GUCY1A2: variants seen among roughly 807,000 people sequenced by gnomAD.
The protein encoded by GUCY1A2 is guanylate cyclase soluble subunit alpha-2.
GUCY1A2 carries 27 observed loss-of-function variants against 63.5 expected under a neutral mutation model. The ratio of observed to expected loss-of-function variants is 0.43; its 90% confidence interval spans 0.31 to 0.59. The LOEUF is 0.59. GUCY1A2 is among the 20% of genes least tolerant of loss of function. GUCY1A2 has a pLI of 0.11. For missense variants in GUCY1A2, 768 were observed against 913.3 expected (o/e 0.84, Z 2.05); for synonymous variants, 364 against 343.5 (o/e 1.06, Z -0.66).
At chr11:106,858,045 C>G (rs566418667) in intron 4 of GUCY1A2, among the ~76,000 whole-genome samples, 9 of 152,252 alleles carry the variant, frequency 5.9e-5, no homozygotes, top group African/African-American at 1.9e-4. Context: ...GCAATGACAA[C>G]CAACCTGAAA....
intron 6 of GUCY1A2, among the ~76,000 whole-genome samples, chr11:106,768,166 C>T (rs897217769): frequency 6.6e-6 from 1 of 152,048 alleles, no homozygotes; most frequent in African/African-American, 2.4e-5. Context: ...CTCTCTCTTT[C>T]TAGATAAGGT....
intron 4 of GUCY1A2, among the ~76,000 whole-genome samples, chr11:106,841,595 G>T (rs926280916): frequency 3.3e-5 from 5 of 151,842 alleles, no homozygotes; most frequent in African/African-American, 9.7e-5. Flanking sequence ...TTCTCTGAGG[G>T]AGGGACCATG....
At chr11:106,961,587 G>C (rs370560643) in intron 3 of GUCY1A2, among the ~76,000 whole-genome samples, 2 of 152,240 alleles carry the variant, frequency 1.3e-5, no homozygotes, top group East Asian at 3.9e-4. Flanking sequence ...AAAGCTATAA[G>C]ATCTTGAATT....
Position 107,018,027 on chromosome 11 carries a change from G to T in GUCY1A2, c.29C>A (p.Ser10Tyr). Residue 10 changes from serine (S) to tyrosine (Y), a missense_variant, in exon 1 of 8, where the codon TCC becomes TAC. By Grantham distance (144) the Ser-to-Tyr change is moderately radical. Around this residue, in one of 3 missense-constraint regions of GUCY1A2, gnomAD observed 496 missense variants for 486.9 expected, o/e 1.02. Transcript: ENST00000526355. ...GTAGTCGGAGCCCAGGGAGCTGAAG[G>T]ACTCGGACGAAATCTTCCTTCGAGA... is the stretch of plus-strand genomic sequence containing the variant. MSRRKISSE[S>Y]FSSLGSDYLE... The T allele has an allele frequency of 6.8e-7, 1 of 1,475,294 alleles. No homozygotes were observed. The highest frequency in any genetic ancestry group is 9.1e-7 in the Non-Finnish European group (1 of 1,102,374). The allele number at this position is 1,475,294 out of a possible 1,614,324, so 91.4% of individuals were successfully genotyped here.
In GUCY1A2 at chr11:106,678,594, G is replaced by A; in HGVS notation, c.*8955C>T. The A allele has an allele frequency of 4.7e-6, 1 of 211,282 alleles. No individual in the cohort carries two copies. Among genetic ancestry groups the A allele is most frequent in the Non-Finnish European group, 9.6e-6 (1 of 104,150 alleles). The allele number at this position is 211,282 out of a possible 1,614,324, so 13.1% of individuals were successfully genotyped here. The stretch of plus-strand genomic sequence containing the variant: ...AGGAATTGAGGTTTCATTGGGTATG[G>A]AAATGCATAGTTTCTTACTAGTCAG... On this transcript the variant is annotated 3_prime_UTR_variant, in exon 8 of 8. Transcript: ENST00000526355.
intron 4 of GUCY1A2, among the ~76,000 whole-genome samples, chr11:106,861,528 T>C (rs1859512214): frequency 6.6e-6 from 1 of 151,968 alleles, no homozygotes; most frequent in South Asian, 2.1e-4. Context: ...AGCACCAAGC[T>C]TCAGAAACAA....
At chr11:107,003,921 T>C (rs971630286) in intron 1 of GUCY1A2, among the ~76,000 whole-genome samples, 2 of 152,150 alleles carry the variant, frequency 1.3e-5, no homozygotes, top group Admixed American at 6.6e-5. Context: ...AGTTGGACTA[T>C]GATGAAGACT....
rs1234651788 is a variant in GUCY1A2, at chr11:107,017,994, G to A, written c.62C>T (p.Thr21Ile). ...GCACTCCCCCTCCTCCTCCGGGCTG[G>A]TCTCCAGGTAGTCGGAGCCCAGGGA... is the stretch of plus-strand genomic sequence containing the variant. ...FSSLGSDYLE[T>I]SPEEEGECPL... The change falls in exon 1 of 8, where the codon ACC (threonine) becomes ATC (isoleucine). Residue 21 changes from threonine (T) to isoleucine (I), a missense_variant. Physicochemically the swap from Thr to Ile is moderately conservative, Grantham distance 89. Around this residue, in one of 3 missense-constraint regions of GUCY1A2, gnomAD observed 496 missense variants for 486.9 expected, o/e 1.02. Transcript: ENST00000526355. 5 of 1,464,312 alleles carry A rather than the reference G, an allele frequency of 3.4e-6. No individual in the cohort carries two copies. The highest frequency in any genetic ancestry group is 2.1e-5 in the Admixed American group (1 of 48,132). 90.7% of individuals were successfully genotyped at this position (1,464,312 alleles called of 1,614,324 possible).
intron 4 of GUCY1A2, among the ~76,000 whole-genome samples, chr11:106,836,086 C>T (rs2135439956): frequency 6.6e-6 from 1 of 151,790 alleles, no homozygotes; most frequent in South Asian, 2.1e-4. Flanking sequence ...TTTTATAAAC[C>T]ATATAGAGAT....
At chr11:106,794,597 C>T (rs1020430281) in intron 5 of GUCY1A2, among the ~76,000 whole-genome samples, 20 of 151,904 alleles carry the variant, frequency 1.3e-4, no homozygotes, top group African/African-American at 4.8e-4. Flanking sequence ...ACAATCTATG[C>T]ATATATCAAA....
At chr11:106,900,114 T>C (rs560715473) in intron 4 of GUCY1A2, among the ~76,000 whole-genome samples, 1 of 150,458 alleles carries the variant, frequency 6.6e-6, no homozygotes, top group East Asian at 2.0e-4. Flanking sequence ...CAATCTATAA[T>C]ATATGTAGCC....
chr11:106,675,559 A>G lies in GUCY1A2; in HGVS notation c.*11990T>C, dbSNP rs1180280732. 8 of 195,398 alleles carry G rather than the reference A, an allele frequency of 4.1e-5. No homozygotes were observed. The highest frequency in any genetic ancestry group is 8.5e-5 in the Non-Finnish European group (8 of 94,148). The allele number at this position is 195,398 out of a possible 1,614,324, so 12.1% of individuals were successfully genotyped here. The stretch of plus-strand genomic sequence containing the variant: ...GGGAAAAATGGGACTGTGGATTACA[A>G]CTGTTCAAATTTCATCTTAATTTCT... On this transcript the variant is annotated 3_prime_UTR_variant, in exon 8 of 8. Coordinates refer to ENST00000526355, the MANE Select transcript of GUCY1A2 (RefSeq NM_000855.3).
intron 4 of GUCY1A2, among the ~76,000 whole-genome samples, chr11:106,926,169 T>C (rs542472358): frequency 1.9e-3 from 287 of 152,264 alleles, no homozygotes; most frequent in South Asian, 2.9e-3. Context: ...TCTATAATCA[T>C]AGCAATTTGA....
Position 106,939,591 on chromosome 11 carries a change from T to G in GUCY1A2, c.1075A>C (p.Lys359Gln). Residue 359 changes from lysine to glutamine, a missense_variant, in exon 4 of 8, where the codon AAG becomes CAG. Lys to Gln is a moderately conservative substitution (Grantham distance 53, BLOSUM62 1). This residue lies in a region of GUCY1A2 where 496 missense variants were observed against 486.9 expected (regional missense o/e 1.02). Coordinates refer to ENST00000526355, the MANE Select transcript of GUCY1A2 (RefSeq NM_000855.3). The stretch of plus-strand genomic sequence containing the variant: ...ACAATCTCGAAGCAGTCCTCAAACT[T>G]GAGCACTTTGTGAGTGTCACATCGA... ...QLRCDTHKVL[K>Q]FEDCFEIVSP... The G allele has an allele frequency of 6.2e-7, 1 of 1,613,806 alleles. No individual in the cohort carries two copies. Among genetic ancestry groups the G allele is most frequent in the Non-Finnish European group, 8.5e-7 (1 of 1,179,706 alleles).
At position 106,685,098 on chromosome 11, in the gene GUCY1A2, C is replaced by T. The variant is rs991999511; in HGVS notation, c.*2451G>A. On this transcript the variant is annotated 3_prime_UTR_variant, in exon 8 of 8. Transcript: ENST00000526355. ...ATGATAACAAATTGGACCATTATCT[C>T]GGACTATAGCTGTGAAAATACACTT... The T allele has an allele frequency of 1.9e-5, 4 of 207,220 alleles. No homozygotes were observed. Among genetic ancestry groups the T allele is most frequent in the Non-Finnish European group, 3.9e-5 (4 of 101,650 alleles). The allele number at this position is 207,220 out of a possible 1,614,324, so 12.8% of individuals were successfully genotyped here.
At chr11:106,837,236 C>T (rs957644636) in intron 4 of GUCY1A2, among the ~76,000 whole-genome samples, 4 of 151,890 alleles carry the variant, frequency 2.6e-5, no homozygotes, top group Admixed American at 2.6e-4. Context: ...TTACAAGTAA[C>T]AACATGCAAT....
intron 3 of GUCY1A2, 56 bp downstream of exon 3, chr11:106,978,563 G>A (rs1237931069): frequency 2.5e-5 from 30 of 1,219,070 alleles, no homozygotes; most frequent in African/African-American, 4.6e-5. Context: ...CTTCCACCTC[G>A]ACTTTCCCTC....
chr11:106,753,963 G>A (rs532450452), intron 6 of GUCY1A2, among the ~76,000 whole-genome samples: 17 of 152,190 alleles, frequency 1.1e-4, no homozygotes, highest in Admixed American at 3.9e-4. Flanking sequence ...ACATTTTCAC[G>A]ATATTGATTC....
At chr11:106,796,668 T>C (rs1004235468) in intron 5 of GUCY1A2, among the ~76,000 whole-genome samples, 16 of 152,210 alleles carry the variant, frequency 1.1e-4, no homozygotes, top group African/African-American at 3.9e-4. Flanking sequence ...GGGCTTCCCT[T>C]TGTGGGTAAC....
Sources: gnomAD v4.1 joint callset for allele counts (sites outside exome capture counted in the v4.1 genomes callset) on GRCh38, gnomAD v4.1.1 for gene constraint, gnomAD v4.1.1 regional missense constraint, MANE v1.5 for transcripts, NCBI Gene and HGNC (gene_info 2026-07-23, HGNC 2026-07-21) for gene names.